The following CRYL1 variants were observed in gnomAD, a reference collection of about 807,000 sequenced individuals.
CRYL1 encodes lambda-crystallin homolog.
In CRYL1, 29 loss-of-function variants were observed where a neutral mutation model predicts 36.6. The ratio of observed to expected loss-of-function variants is 0.79; its 90% CI spans 0.59 to 1.08. The LOEUF is 1.08. Among genes scored for constraint, CRYL1 ranks in the 50% least tolerant of loss-of-function variants. The pLI, the probability that CRYL1 is intolerant of heterozygous loss-of-function variation, is 0.00. For synonymous variants in CRYL1, 152 were observed against 151.5 expected (o/e 1.00, Z -0.02); for missense variants, 411 against 407.9 (o/e 1.01, Z -0.06).
chr13:20,427,137 G>A, intron 5 of CRYL1: 1 of 985,408 alleles, frequency 1.0e-6, no homozygotes, highest in Non-Finnish European at 1.2e-6. Context: ...CCTTCATTAT[G>A]CTAATGCCTT....
At chr13:20,414,507 T>A (rs1183334495) in intron 5 of CRYL1, among the ~76,000 whole-genome samples, 2 of 152,052 alleles carry the variant, frequency 1.3e-5, no homozygotes, top group Non-Finnish European at 2.9e-5. Context: ...GGGAGTAAGA[T>A]TAGAGCCATC....
At chr13:20,416,764 C>T (rs2031677807) in intron 5 of CRYL1, among the ~76,000 whole-genome samples, 1 of 152,140 alleles carries the variant, frequency 6.6e-6, no homozygotes, top group South Asian at 2.1e-4. Flanking sequence ...GTGAGCCACT[C>T]AAGAGTAGGT....
chr13:20,417,484 G>C (rs1013633899), intron 5 of CRYL1, among the ~76,000 whole-genome samples: 2 of 152,114 alleles, frequency 1.3e-5, no homozygotes, highest in Non-Finnish European at 2.9e-5. Context: ...TTAGCAATCA[G>C]TACTTACTCC....
At chr13:20,492,572 C>T (rs1463964554) in intron 2 of CRYL1, among the ~76,000 whole-genome samples, 1 of 152,132 alleles carries the variant, frequency 6.6e-6, no homozygotes, top group Non-Finnish European at 1.5e-5. Context: ...CCATAGCCAG[C>T]CAACCCTGCC....
chr13:20,483,164 T>C (rs1461313233), intron 3 of CRYL1, among the ~76,000 whole-genome samples: 1 of 152,160 alleles, frequency 6.6e-6, no homozygotes, highest in African/African-American at 2.4e-5. Flanking sequence ...TAATGTTATA[T>C]ATTTCAAAAT....
rs2032183957 is a variant in CRYL1, at chr13:20,435,288, G to T, written c.439-2992C>A. Among the ~76,000 whole-genome samples, 1 of 152,156 alleles carries T rather than the reference G, an allele frequency of 6.6e-6. No individual in the cohort carries two copies. The highest frequency in any genetic ancestry group is 2.1e-4 in the South Asian group (1 of 4,826). On this transcript the variant is annotated intron_variant, in intron 4 of 7. Transcript: ENST00000298248. The surrounding 1 kb of genome is among the most constrained non-coding windows in gnomAD (Gnocchi z 4.0). Reference sequence around the variant, plus strand: ...GGACTTTGATCATGCCTTCTCCAACGAAAAATCTTGAAGGGCTGCCCAGCG... The same window carrying T: ...GGACTTTGATCATGCCTTCTCCAACTAAAAATCTTGAAGGGCTGCCCAGCG...
At chr13:20,494,977 C>T (rs1237321336) in intron 2 of CRYL1, among the ~76,000 whole-genome samples, 1 of 152,200 alleles carries the variant, frequency 6.6e-6, no homozygotes, top group Non-Finnish European at 1.5e-5. Flanking sequence ...TGTGTGGTCC[C>T]GAGGGACGTC....
intron 2 of CRYL1, among the ~76,000 whole-genome samples, chr13:20,495,753 G>A (rs891814170): frequency 1.3e-5 from 2 of 152,222 alleles, no homozygotes; most frequent in Non-Finnish European, 2.9e-5. Flanking sequence ...CCAACAGATG[G>A]AGGGATAAAC....
intron 3 of CRYL1, among the ~76,000 whole-genome samples, chr13:20,447,469 G>A (rs1463516782): frequency 1.3e-5 from 2 of 151,958 alleles, no homozygotes; most frequent in Non-Finnish European, 2.9e-5. Flanking sequence ...CGACCCCCAA[G>A]TTGCAGGGAC....
chr13:20,442,630 C>T (rs926566749), intron 3 of CRYL1, among the ~76,000 whole-genome samples: 2 of 152,204 alleles, frequency 1.3e-5, no homozygotes. Flanking sequence ...AACCCATGCA[C>T]TCTCAACTCT....
In CRYL1 at chr13:20,512,539, C is replaced by T. The variant is rs758684241; in HGVS notation, c.53G>A (p.Gly18Glu). Residue 18 changes from glycine (G) to glutamate (E), a missense_variant, in exon 2 of 8, where the codon GGG (glycine) becomes GAG (glutamate). Gly to Glu is a moderately conservative substitution (Grantham distance 98). Transcript: ENST00000298248. ...GGCAAACAGCATGGCCCAGCTTCGCCCAATGACTCCACTGAAGGGAGATAA... is the reference window on the plus strand; with the variant it reads ...GGCAAACAGCATGGCCCAGCTTCGCTCAATGACTCCACTGAAGGGAGATAA... ...CVVIVGSGVI[G>E]RSWAMLFASG... 3 of 1,612,938 alleles carry T rather than the reference C, an allele frequency of 1.9e-6. No individual in the cohort carries two copies. Among genetic ancestry groups the T allele is most frequent in the Non-Finnish European group, 2.5e-6 (3 of 1,179,066 alleles).
intron 5 of CRYL1, among the ~76,000 whole-genome samples, chr13:20,420,643 T>C (rs567477263): frequency 6.6e-6 from 1 of 150,762 alleles, no homozygotes; most frequent in South Asian, 2.1e-4. Flanking sequence ...AGCAATTGAC[T>C]TAGGGTAGAG....
chr13:20,431,495 C>T (rs1400787202), intron 5 of CRYL1: 1 of 996,518 alleles, frequency 1.0e-6, no homozygotes, highest in Non-Finnish European at 1.2e-6. Context: ...TGACCTATCT[C>T]CTCCAGGCAC....
chr13:20,500,606 G>A (rs773183620), intron 2 of CRYL1, among the ~76,000 whole-genome samples: 37 of 152,178 alleles, frequency 2.4e-4, no homozygotes, highest in Non-Finnish European at 4.7e-4. Flanking sequence ...ATGTCTTTGT[G>A]AAAGTGGTAG....
chr13:20,442,095 C>T (rs925999203), intron 3 of CRYL1, among the ~76,000 whole-genome samples: 1 of 152,168 alleles, frequency 6.6e-6, no homozygotes, highest in Non-Finnish European at 1.5e-5. Context: ...TGTAGCAAAG[C>T]CAGAGACGAA....
At chr13:20,462,311 C>T (rs1429645019) in intron 3 of CRYL1, among the ~76,000 whole-genome samples, 1 of 151,546 alleles carries the variant, frequency 6.6e-6, no homozygotes, top group Non-Finnish European at 1.5e-5. Flanking sequence ...GTTAGGACAC[C>T]ATTTCAACAC....
At chr13:20,459,401 T>A (rs2032762233) in intron 3 of CRYL1, among the ~76,000 whole-genome samples, 1 of 152,162 alleles carries the variant, frequency 6.6e-6, no homozygotes, top group Non-Finnish European at 1.5e-5. Flanking sequence ...ATGCACAGGT[T>A]ACATTTACCA....
At chr13:20,467,981 T>A (rs1481676152) in intron 3 of CRYL1, among the ~76,000 whole-genome samples, 4 of 152,038 alleles carry the variant, frequency 2.6e-5, no homozygotes, top group Non-Finnish European at 5.9e-5. Context: ...ACTTAAGGGA[T>A]CTAGGTTGTG....
At chr13:20,461,948 G>A (rs1439574779) in intron 3 of CRYL1, among the ~76,000 whole-genome samples, 11 of 147,666 alleles carry the variant, frequency 7.4e-5, no homozygotes, top group African/African-American at 2.5e-4. Context: ...GAGGGATGGG[G>A]TGGGAGGAGG....
Sources: gnomAD v4.1 joint callset for allele counts (sites outside exome capture counted in the v4.1 genomes callset) on GRCh38, gnomAD v4.1.1 for gene constraint, Gnocchi (gnomAD v3.1) non-coding constraint, MANE v1.5 for transcripts, NCBI Gene and HGNC (gene_info 2026-07-23, HGNC 2026-07-21) for gene names.